Variants in GRIK1 observed in about 807,000 individuals in gnomAD.
GRIK1 encodes glutamate receptor ionotropic, kainate 1.
GRIK1 carries 69 observed loss-of-function variants against 105.7 expected under a neutral mutation model. That is an observed-to-expected ratio of 0.65 (90% confidence interval 0.54 to 0.80). The LOEUF (loss-of-function observed/expected upper bound fraction) is 0.80. Among genes scored for constraint, GRIK1 ranks in the 30% least tolerant of loss-of-function variants. GRIK1 has a pLI of 0.00. For missense variants in GRIK1, 1,109 were observed against 1,167.3 expected, an observed-to-expected ratio of 0.95 and a Z score of 0.73; for synonymous variants, 438 against 431.3, an observed-to-expected ratio of 1.02 and a Z score of -0.19.
At chr21:29,702,616 C>T (rs1384548105) in intron 1 of GRIK1, among the ~76,000 whole-genome samples, 1 of 152,150 alleles carries the variant, frequency 6.6e-6, no homozygotes, top group Non-Finnish European at 1.5e-5. Context: ...GAAGCTGAGG[C>T]AGGAGAATCG....
At chr21:29,640,880 T>C (rs1475019355) in intron 7 of GRIK1, among the ~76,000 whole-genome samples, 1 of 152,204 alleles carries the variant, frequency 6.6e-6, no homozygotes, top group African/African-American at 2.4e-5. Context: ...GTCAGAGTTA[T>C]GTAGCTGTCA....
At chr21:29,820,844 C>G (rs1190553981) in intron 1 of GRIK1, among the ~76,000 whole-genome samples, 1 of 151,974 alleles carries the variant, frequency 6.6e-6, no homozygotes, top group Non-Finnish European at 1.5e-5. Context: ...AGACGGCAAA[C>G]TGAGGCACAG....
intron 1 of GRIK1, among the ~76,000 whole-genome samples, chr21:29,914,147 C>T (rs1002839455): frequency 1.3e-5 from 2 of 151,922 alleles, no homozygotes; most frequent in East Asian, 1.9e-4. Context: ...TTCTAAATGG[C>T]AATAGCACCC....
intron 15 of GRIK1, among the ~76,000 whole-genome samples, chr21:29,560,279 T>TTTTCTTTCTTTCTTTCTTTCTTTC (rs56295343): frequency 1.4e-5 from 1 of 69,948 alleles, no homozygotes. Context: ...TATGATACAG[T>TTTTCTTTCTTTCTTTCTTTCTTTC]TTTCTTTCTT....
intron 7 of GRIK1, among the ~76,000 whole-genome samples, chr21:29,607,445 C>T (rs796817219): frequency 9.3e-5 from 14 of 150,100 alleles, no homozygotes; most frequent in South Asian, 8.5e-4. Context: ...TGAATAAAAC[C>T]TTGTGAAATA....
At chr21:29,782,501 G>A (rs982364315) in intron 1 of GRIK1, among the ~76,000 whole-genome samples, 1 of 152,128 alleles carries the variant, frequency 6.6e-6, no homozygotes, top group Non-Finnish European at 1.5e-5. Flanking sequence ...GGCAAGGGGT[G>A]GTCAGCACCC....
intron 1 of GRIK1, among the ~76,000 whole-genome samples, chr21:29,820,520 G>C (rs1301807341): frequency 6.6e-6 from 1 of 152,134 alleles, no homozygotes; most frequent in South Asian, 2.1e-4. Flanking sequence ...GAGGAAAAAA[G>C]AGTACATGAC....
chr21:29,737,729 C>T (rs2064828568), intron 1 of GRIK1, among the ~76,000 whole-genome samples: 1 of 152,192 alleles, frequency 6.6e-6, no homozygotes, highest in South Asian at 2.1e-4. Flanking sequence ...ATGGCAGGTG[C>T]CAAGGATGGA....
chr21:29,589,379 C>T (rs2061297022), intron 10 of GRIK1, among the ~76,000 whole-genome samples: 1 of 150,850 alleles, frequency 6.6e-6, no homozygotes, highest in Non-Finnish European at 1.5e-5. Context: ...TGCCTGGCCA[C>T]CTGCTGTGCC....
chr21:29,768,227 C>G (rs918269849), intron 1 of GRIK1, among the ~76,000 whole-genome samples: 1 of 152,104 alleles, frequency 6.6e-6, no homozygotes, highest in Non-Finnish European at 1.5e-5. Flanking sequence ...CTGGGTATGC[C>G]TACAGCTTCT....
At position 29,755,635 on chromosome 21, in the gene GRIK1, C is replaced by T. The variant is rs143585115; in HGVS notation, c.119-61572G>A. ...CCTCTTTACATGGAGAGATGGGAGG[C>T]AGGTGGAAGAGTGCAATCCCGTAGA... is the stretch of plus-strand genomic sequence containing the variant. On this transcript the variant is annotated intron_variant, in intron 1 of 17. Transcript: ENST00000327783. 1.6e-4 allele frequency among the ~76,000 whole-genome samples: 24 copies of T among 152,142 alleles called. No individual in the cohort carries two copies. In the East Asian group the frequency reaches 4.6e-3, roughly 29 times the overall value.
intron 10 of GRIK1, among the ~76,000 whole-genome samples, chr21:29,590,254 T>C (rs1436621312): frequency 6.6e-6 from 1 of 152,200 alleles, no homozygotes; most frequent in Non-Finnish European, 1.5e-5. Flanking sequence ...AACCAGTTTT[T>C]CCTTTGGATG....
At chr21:29,828,210 A>G (rs1331427870) in intron 1 of GRIK1, among the ~76,000 whole-genome samples, 1 of 151,966 alleles carries the variant, frequency 6.6e-6, no homozygotes, top group African/African-American at 2.4e-5. Context: ...GAGGCTGCCC[A>G]TATTCAAGAG....
intron 12 of GRIK1, among the ~76,000 whole-genome samples, chr21:29,582,518 G>A (rs999225827): frequency 3.3e-5 from 5 of 152,052 alleles, no homozygotes; most frequent in Non-Finnish European, 7.4e-5. Flanking sequence ...TGAAGAGGAG[G>A]GAATCCAGAT....
At chr21:29,782,669 G>T (rs908876047) in intron 1 of GRIK1, among the ~76,000 whole-genome samples, 4 of 152,230 alleles carry the variant, frequency 2.6e-5, no homozygotes, top group East Asian at 1.9e-4. Context: ...CACATAAAAC[G>T]GGCAAAGATT....
At chr21:29,710,204 G>A (rs1258080813) in intron 1 of GRIK1, among the ~76,000 whole-genome samples, 1 of 151,818 alleles carries the variant, frequency 6.6e-6, no homozygotes, top group Non-Finnish European at 1.5e-5. Context: ...AACTCATCCT[G>A]GCAATTCTGG....
chr21:29,558,546 G>T (rs1226070732), intron 15 of GRIK1, among the ~76,000 whole-genome samples: 1 of 151,256 alleles, frequency 6.6e-6, no homozygotes, highest in Non-Finnish European at 1.5e-5. Context: ...CATTGTTTTT[G>T]GTTTAAAAGC....
At chr21:29,546,596 T>C (rs997267499) in intron 16 of GRIK1, among the ~76,000 whole-genome samples, 1 of 152,244 alleles carries the variant, frequency 6.6e-6, no homozygotes, top group African/African-American at 2.4e-5. Context: ...AATTTTCTCT[T>C]TCCTAATGGT....
At chr21:29,915,526 C>T (rs1361464488) in intron 1 of GRIK1, among the ~76,000 whole-genome samples, 6 of 151,990 alleles carry the variant, frequency 3.9e-5, no homozygotes. Flanking sequence ...CTCTTTCTCT[C>T]ACAGGAAGGG....
Sources: allele counts gnomAD v4.1 joint callset (sites outside exome capture counted in the v4.1 genomes callset), GRCh38; gene constraint gnomAD v4.1.1; transcripts MANE v1.5; gene names NCBI Gene and HGNC (gene_info 2026-07-23, HGNC 2026-07-21).